The following EPB41 variants were observed in gnomAD, a reference collection of about 807,000 sequenced individuals.
The protein encoded by EPB41 is erythrocyte membrane protein band 4.1.
In EPB41, 65 loss-of-function variants were observed where a neutral mutation model predicts 108.0. The ratio of observed to expected loss-of-function variants is 0.60; its 90% confidence interval spans 0.49 to 0.74. EPB41 has a LOEUF of 0.74. EPB41 is among the 30% of genes least tolerant of loss of function. The pLI is 0.00. For synonymous variants in EPB41, 336 were observed against 358.9 expected (o/e 0.94, Z 0.72); for missense variants, 875 against 1,037.0 (o/e 0.84, Z 2.15).
intron 17 of EPB41, among the ~76,000 whole-genome samples, chr1:29,106,051 C>G (rs1667051817): frequency 6.6e-6 from 1 of 152,100 alleles, no homozygotes; most frequent in Admixed American, 6.6e-5. Flanking sequence ...TGCCTGGCCA[C>G]AAATCTTGTT....
intron 1 of EPB41, among the ~76,000 whole-genome samples, chr1:28,963,147 CAA>C (rs542578320): frequency 2.6e-5 from 4 of 151,986 alleles, no homozygotes; most frequent in Non-Finnish European, 5.9e-5. Flanking sequence ...TAAAATAAAA[CAA>C]GTTTGTTTTT....
At chr1:28,972,865 A>G (rs1208903484) in intron 1 of EPB41, among the ~76,000 whole-genome samples, 1 of 152,018 alleles carries the variant, frequency 6.6e-6, no homozygotes, top group East Asian at 1.9e-4. Flanking sequence ...TGGACTCCCA[A>G]AGGGCTGAGA....
chr1:28,914,099 A>C (rs2092400708), upstream of EPB41, among the ~76,000 whole-genome samples: 1 of 152,194 alleles, frequency 6.6e-6, no homozygotes, highest in Non-Finnish European at 1.5e-5. Context: ...AAGCTGAGTG[A>C]CTTACCCGAG....
intron 5 of EPB41, among the ~76,000 whole-genome samples, 196 bp downstream of exon 5, chr1:29,012,103 T>C (rs868840298): frequency 6.6e-6 from 1 of 150,620 alleles, no homozygotes; most frequent in South Asian, 2.1e-4. Context: ...ACTATTGAGA[T>C]GTAGGTCAGA....
At chr1:29,105,712 A>G (rs537930227) in intron 17 of EPB41, among the ~76,000 whole-genome samples, 1 of 150,952 alleles carries the variant, frequency 6.6e-6, no homozygotes, top group East Asian at 1.9e-4. Flanking sequence ...GAAAATATTA[A>G]TAAAGCTGCT....
chr1:29,043,262 T>G (rs142955792), intron 11 of EPB41, among the ~76,000 whole-genome samples: 153 of 152,282 alleles, frequency 1.0e-3, no homozygotes, highest in Non-Finnish European at 1.9e-3. Context: ...GAAGGCTTCT[T>G]TGAGGAGCTT....
At chr1:29,067,924 G>A (rs1239107777) in intron 16 of EPB41, among the ~76,000 whole-genome samples, 3 of 152,132 alleles carry the variant, frequency 2.0e-5, no homozygotes, top group Admixed American at 2.0e-4. Context: ...CATGTATCCT[G>A]AACTGAGACA....
intron 18 of EPB41, 45 bp downstream of exon 18, chr1:29,109,482 T>G: frequency 6.5e-7 from 1 of 1,537,154 alleles, no homozygotes; most frequent in Non-Finnish European, 9.0e-7. Flanking sequence ...AGGGGCAGGC[T>G]AAGCTTGCTG....
At chr1:29,032,233 A>C (rs2150311422) in intron 8 of EPB41, among the ~76,000 whole-genome samples, 1 of 152,308 alleles carries the variant, frequency 6.6e-6, no homozygotes, top group African/African-American at 2.4e-5. Context: ...TGAAATGGTT[A>C]GATTTTGCTT....
chr1:29,032,776 T>A (rs892789406), intron 8 of EPB41, among the ~76,000 whole-genome samples: 2 of 152,154 alleles, frequency 1.3e-5, no homozygotes, highest in Non-Finnish European at 2.9e-5. Context: ...TATGCTGAGT[T>A]TATATAGGAA....
intron 16 of EPB41, chr1:29,070,627 G>A: frequency 8.1e-7 from 1 of 1,232,018 alleles, no homozygotes. Flanking sequence ...CAGAAAACAG[G>A]GTGCTCATCT....
chr1:29,013,633 T>C (rs1346154574), intron 5 of EPB41, among the ~76,000 whole-genome samples: 1 of 151,948 alleles, frequency 6.6e-6, no homozygotes, highest in Non-Finnish European at 1.5e-5. Context: ...TTCAAATGAT[T>C]CTCCTGCCTC....
intron 18 of EPB41, among the ~76,000 whole-genome samples, chr1:29,110,241 A>C (rs1668715394): frequency 6.6e-6 from 1 of 151,550 alleles, no homozygotes; most frequent in African/African-American, 2.4e-5. Context: ...GCTACTTGGG[A>C]GGCTGAGGTG....
intron 2 of EPB41, chr1:28,989,476 AG>A (rs2095954780): frequency 1.3e-6 from 1 of 778,062 alleles, no homozygotes; most frequent in Non-Finnish European, 1.6e-6. Flanking sequence ...GGGGGAAAAA[AG>A]TAAAAGTCCT....
In EPB41 at chr1:28,958,583, G is replaced by A. The variant is rs527616095; in HGVS notation, c.-7-28848G>A. 9.2e-5 allele frequency among the ~76,000 whole-genome samples: 14 copies of A among 151,984 alleles called. No individual in the cohort carries two copies. In the East Asian group the frequency reaches 1.7e-3, roughly 19 times the overall value. On this transcript the variant is annotated intron_variant, in intron 1 of 20. Transcript: ENST00000343067. ...TCCCAGCACTTTGGGAGGCCGAGGC[G>A]GGTGGATCACTTGAGGTCAGGAGTT...
At chr1:29,089,382 G>A (rs115192562) in intron 16 of EPB41, among the ~76,000 whole-genome samples, 6 of 152,226 alleles carry the variant, frequency 3.9e-5, no homozygotes, top group African/African-American at 9.6e-5. Flanking sequence ...CCTTCAACAC[G>A]TTTTTACTGA....
intron 17 of EPB41, among the ~76,000 whole-genome samples, chr1:29,106,934 A>G (rs932275004): frequency 2.0e-5 from 3 of 151,510 alleles, no homozygotes; most frequent in Non-Finnish European, 4.4e-5. Flanking sequence ...CTGTAATCCC[A>G]GCACTTTGGG....
intron 2 of EPB41, among the ~76,000 whole-genome samples, chr1:28,989,967 A>G (rs2095968431): frequency 6.6e-6 from 1 of 152,140 alleles, no homozygotes; most frequent in African/African-American, 2.4e-5. Context: ...GAATTAAATT[A>G]CATTATCGGC....
At position 28,997,296 on chromosome 1, in the gene EPB41, A is replaced by G. The variant is rs552908580; in HGVS notation, c.763A>G (p.Ile255Val). The G allele has an allele frequency of 2.2e-5, 36 of 1,613,290 alleles. No homozygotes were observed. Among genetic ancestry groups the G allele is most frequent in the Non-Finnish European group, 3.1e-5 (36 of 1,179,216 alleles). Residue 255 changes from isoleucine to valine, a missense_variant, in exon 4 of 21, where the codon ATT becomes GTT. Around this residue, in one of 3 missense-constraint regions of EPB41, gnomAD observed 353 missense variants for 393.2 expected, o/e 0.90. Transcript: ENST00000343067. ...LLEEDYFGLA[I>V]WDNATSKTWL... Reference sequence around the variant, plus strand: ...GGAAGAAGACTATTTTGGTCTAGCCATTTGGGATAACGCAACCTCTAAGGT... The same window carrying G: ...GGAAGAAGACTATTTTGGTCTAGCCGTTTGGGATAACGCAACCTCTAAGGT...
Sources: allele counts gnomAD v4.1 joint callset (sites outside exome capture counted in the v4.1 genomes callset), GRCh38; gene constraint gnomAD v4.1.1; regional missense constraint gnomAD v4.1.1; transcripts MANE v1.5; gene names NCBI Gene and HGNC (gene_info 2026-07-23, HGNC 2026-07-21).